FBXL18: variants seen among roughly 807,000 people sequenced by gnomAD.
The protein encoded by FBXL18 is F-box and leucine rich repeat protein 18.
FBXL18 carries 36 observed loss-of-function variants against 46.0 expected under a neutral mutation model. That is an observed-to-expected ratio of 0.78 (90% CI 0.60 to 1.03). The LOEUF (loss-of-function observed/expected upper bound fraction) is 1.03. Among genes scored for constraint, FBXL18 ranks in the 50% least tolerant of loss-of-function variants. FBXL18 has a pLI of 0.00. For synonymous variants in FBXL18, 557 were observed against 465.3 expected, an observed-to-expected ratio of 1.20 and a Z score of -2.54; for missense variants, 977 against 1,004.1, an observed-to-expected ratio of 0.97 and a Z score of 0.36.
At chr7:5,510,705 AT>A (rs989720264) in intron 1 of FBXL18, among the ~76,000 whole-genome samples, 7 of 150,980 alleles carry the variant, frequency 4.6e-5, no homozygotes, top group African/African-American at 7.3e-5. Flanking sequence ...AAAAAAAAAA[AT>A]CTAGGTAACT....
intron 4 of FBXL18, among the ~76,000 whole-genome samples, chr7:5,482,906 T>G (rs1783684580): frequency 1.3e-5 from 2 of 151,194 alleles, no homozygotes; most frequent in Non-Finnish European, 2.9e-5. Context: ...GGCATGGTGG[T>G]GCATGCCTGT....
intron 4 of FBXL18, among the ~76,000 whole-genome samples, chr7:5,487,518 G>A (rs748344537): frequency 2.6e-5 from 4 of 152,158 alleles, no homozygotes; most frequent in African/African-American, 9.7e-5. Flanking sequence ...CACAGTCCCC[G>A]ACACGGCCCC....
At chr7:5,504,767 T>A (rs1784350927) in intron 2 of FBXL18, among the ~76,000 whole-genome samples, 1 of 149,142 alleles carries the variant, frequency 6.7e-6, no homozygotes, top group Non-Finnish European at 1.5e-5. Context: ...TACAAAAAAA[T>A]TAGCCCGGCG....
chr7:5,500,513 G>A lies in FBXL18; in HGVS notation c.1756C>T (p.His586Tyr), dbSNP rs770102401. 79 of 1,609,898 alleles carry A rather than the reference G, an allele frequency of 4.9e-5. 1 individual carries two copies. The Admixed American group carries it at 5.4e-4, about 11-fold the overall frequency. ...YMPALSDMLKHCKRLRDLRLE... is the reference protein window; with the variant it reads ...YMPALSDMLKYCKRLRDLRLE... Reference sequence around the variant, plus strand: ...CTGAGGTCCCTCAGCCGCTTGCAGTGCTTCAACATGTCTGAGAGCGCGGGC... The same window carrying A: ...CTGAGGTCCCTCAGCCGCTTGCAGTACTTCAACATGTCTGAGAGCGCGGGC... Residue 586 changes from histidine (H) to tyrosine (Y), a missense_variant, in exon 3 of 5, where the codon CAC becomes TAC. His to Tyr is a moderately conservative substitution (Grantham distance 83, BLOSUM62 2). Transcript: ENST00000382368.
chr7:5,486,426 A>C (rs139332685), intron 4 of FBXL18, among the ~76,000 whole-genome samples: 7 of 152,068 alleles, frequency 4.6e-5, no homozygotes, highest in South Asian at 2.1e-4. Flanking sequence ...TCAAAAAAAA[A>C]CAAAAAACAA....
At chr7:5,466,938 T>C (rs1352628334) in intron 4 of FBXL18, among the ~76,000 whole-genome samples, 1 of 152,206 alleles carries the variant, frequency 6.6e-6, no homozygotes, top group Non-Finnish European at 1.5e-5. Context: ...AATTTAAATG[T>C]ACAGGCAGTG....
intron 2 of FBXL18, among the ~76,000 whole-genome samples, chr7:5,504,926 A>G (rs1784356626): frequency 7.2e-6 from 1 of 138,708 alleles, no homozygotes; most frequent in African/African-American, 2.8e-5. Flanking sequence ...AAAAAAAAAA[A>G]AAAAAAAAAA....
rs1483444995 is a variant in FBXL18 at position 5,479,955 on chromosome 7, G to T, written c.*1820C>A. 6.6e-6 allele frequency: 1 copy of T among 152,388 alleles called. No homozygotes were observed. The highest frequency in any genetic ancestry group is 2.4e-5 in the African/African-American group (1 of 41,438). The allele number at this position is 152,388 out of a possible 1,614,324, so 9.4% of individuals were successfully genotyped here. A position where few individuals can be genotyped will look rare whatever the true frequency, so the allele number is the denominator to read the frequency against. ...GCCAGTGAGCAGAGGCGCCAGGGTG[G>T]GGTCAAGACTGCCAGGTGGAGAGCT... On this transcript the variant is annotated 3_prime_UTR_variant, in exon 5 of 5. Transcript: ENST00000382368.
chr7:5,507,070 C>A (rs745350048), intron 1 of FBXL18, among the ~76,000 whole-genome samples: 1 of 152,092 alleles, frequency 6.6e-6, no homozygotes, highest in Non-Finnish European at 1.5e-5. Flanking sequence ...CTGTAAAGAC[C>A]ACGCCGAGGA....
intron 3 of FBXL18, among the ~76,000 whole-genome samples, chr7:5,491,995 G>C (rs1305303781): frequency 6.6e-6 from 1 of 151,610 alleles, no homozygotes; most frequent in Non-Finnish European, 1.5e-5. Context: ...AGCCAGATGG[G>C]GGCCACTTCA....
intron 4 of FBXL18, among the ~76,000 whole-genome samples, chr7:5,463,724 A>ATATATATAT (rs1554316185): frequency 1.7e-5 from 1 of 59,672 alleles, no homozygotes; most frequent in African/African-American, 7.3e-5. Flanking sequence ...TTATTTATTT[A>ATATATATAT]TTTATTTTTT....
intron 4 of FBXL18, among the ~76,000 whole-genome samples, chr7:5,486,396 G>A (rs1410056513): frequency 2.0e-5 from 3 of 151,910 alleles, no homozygotes; most frequent in Non-Finnish European, 4.4e-5. Flanking sequence ...TCCAGCCTGG[G>A]AAACGAGCGA....
chr7:5,486,981 AC>A (rs986920430), intron 4 of FBXL18, among the ~76,000 whole-genome samples: 3 of 152,256 alleles, frequency 2.0e-5, no homozygotes, highest in Admixed American at 6.5e-5. Flanking sequence ...GCGAGAGCAA[AC>A]CGCTGCTCCT....
intron 3 of FBXL18, among the ~76,000 whole-genome samples, chr7:5,494,744 G>A (rs1024794515): frequency 6.6e-6 from 1 of 152,212 alleles, no homozygotes; most frequent in African/African-American, 2.4e-5. Context: ...CAGACAGCAG[G>A]AGATGGAAAC....
At chr7:5,468,425 C>T (rs1466156214) in intron 4 of FBXL18, among the ~76,000 whole-genome samples, 3 of 152,066 alleles carry the variant, frequency 2.0e-5, no homozygotes, top group African/African-American at 4.8e-5. Context: ...CCACCTCAGA[C>T]ATTTTTTAAG....
chr7:5,467,268 C>A (rs757178586), intron 4 of FBXL18, among the ~76,000 whole-genome samples: 1 of 151,946 alleles, frequency 6.6e-6, no homozygotes, highest in Non-Finnish European at 1.5e-5. Context: ...GAAGAATGGC[C>A]TGAACCTGGG....
chr7:5,463,728 A>ATTTATTTTTTT (rs1562672288), intron 4 of FBXL18, among the ~76,000 whole-genome samples: 9 of 53,010 alleles, frequency 1.7e-4, no homozygotes, highest in South Asian at 7.4e-4. Flanking sequence ...TTATTTATTT[A>ATTTATTTTTTT]TTTTTTTTTT....
In FBXL18 at chr7:5,481,082, G is replaced by T. The variant is rs1221739840; in HGVS notation, c.*693C>A. Reference sequence around the variant, plus strand: ...GCCTCTCTCGTTAGAAACGGGCCCTGCTGGTTGGGCTGAAAAGTCACAGGA... The same window carrying T: ...GCCTCTCTCGTTAGAAACGGGCCCTTCTGGTTGGGCTGAAAAGTCACAGGA... On this transcript the variant is annotated 3_prime_UTR_variant, in exon 5 of 5. Coordinates refer to ENST00000382368, the MANE Select transcript of FBXL18 (RefSeq NM_024963.6). 6.6e-6 allele frequency: 1 copy of T among 152,178 alleles called. No homozygotes were observed. Among genetic ancestry groups the T allele is most frequent in the African/African-American group, 2.4e-5 (1 of 41,434 alleles). 9.4% of individuals were successfully genotyped at this position (152,178 alleles called of 1,614,324 possible).
chr7:5,501,827 A>G lies in FBXL18; in HGVS notation c.442T>C (p.Ser148Pro), dbSNP rs1332695469. 1 of 1,589,898 alleles carries G rather than the reference A, an allele frequency of 6.3e-7. No homozygotes were observed. Among genetic ancestry groups the G allele is most frequent in the Admixed American group, 1.8e-5 (1 of 55,426 alleles). Residue 148 changes from serine to proline, a missense_variant, in exon 3 of 5, where the codon TCG (serine) becomes CCG (proline). Coordinates refer to ENST00000382368, the MANE Select transcript of FBXL18 (RefSeq NM_024963.6). ...KMLSALQHLR[S>P]LAIDVSPGFD... is the part of the protein sequence containing the mutation. ...CCGGGGCTCACGTCGATGGCCAGCG[A>G]GCGCAGGTGCTGCAGGGCCGAGAGC...
Sources: gnomAD v4.1 joint callset for allele counts (sites outside exome capture counted in the v4.1 genomes callset) on GRCh38, gnomAD v4.1.1 for gene constraint, MANE v1.5 for transcripts, NCBI Gene and HGNC (gene_info 2026-07-23, HGNC 2026-07-21) for gene names.